The following RIPOR1 variants were observed in gnomAD, a reference collection of about 807,000 sequenced individuals.
The protein encoded by RIPOR1 is RHO family interacting cell polarization regulator 1, also known as rho family-interacting cell polarization regulator 1.
In RIPOR1, 58 loss-of-function variants were observed where a neutral mutation model predicts 116.5. The ratio of observed to expected loss-of-function variants is 0.50; its 90% CI spans 0.40 to 0.62. The LOEUF is 0.62. RIPOR1 is among the 20% of genes least tolerant of loss of function. RIPOR1 has a pLI of 0.00. For missense variants in RIPOR1, 1,372 were observed against 1,586.2 expected (o/e 0.86, Z 2.29); for synonymous variants, 605 against 650.0 (o/e 0.93, Z 1.05).
In RIPOR1 at chr16:67,541,446, G is replaced by T; in HGVS notation, c.818G>T (p.Gly273Val). 1 of 1,613,936 alleles carries T rather than the reference G, an allele frequency of 6.2e-7. No homozygotes were observed. Among genetic ancestry groups the T allele is most frequent in the Non-Finnish European group, 8.5e-7 (1 of 1,179,910 alleles). The change falls in exon 11 of 22, where the codon GGC becomes GTC. Residue 273 changes from glycine to valine, a missense_variant. Transcript: ENST00000042381. This position sits in a 1 kb window ranked among gnomAD's most constrained non-coding sequence, Gnocchi z 4.6. ...FLSIKVTELK[G>V]LANHVVVGSV... ...TGGCTACAGGTGACAGAACTGAAGG[G>T]CCTGGCCAACCATGTGGTTGTGGGC... is the stretch of plus-strand genomic sequence containing the variant.
Position 67,529,829 on chromosome 16 carries a change from A to G in RIPOR1, c.-24+915A>G. The G allele has an allele frequency of 6.5e-7, 1 of 1,535,954 alleles. No individual in the cohort carries two copies. The highest frequency in any genetic ancestry group is 8.7e-7 in the Non-Finnish European group (1 of 1,146,756). ...ACAGCATCTGAGGAGGGTTATGACCATCTGGCAGATGCAGAAACAGGCCCA... is the reference window on the plus strand; with the variant it reads ...ACAGCATCTGAGGAGGGTTATGACCGTCTGGCAGATGCAGAAACAGGCCCA... On this transcript the variant is annotated intron_variant, in intron 1 of 21. Transcript: ENST00000042381. This position sits in a 1 kb window ranked among gnomAD's most constrained non-coding sequence, Gnocchi z 4.1.
intron 1 of RIPOR1, among the ~76,000 whole-genome samples, chr16:67,533,661 G>C (rs1463041473): frequency 6.6e-6 from 1 of 152,098 alleles, no homozygotes; most frequent in African/African-American, 2.4e-5. Context: ...ACAGAAACTG[G>C]ACCAGGGTGG....
chr16:67,519,619 A>G (rs2050476575), intron 1 of RIPOR1, among the ~76,000 whole-genome samples: 1 of 152,136 alleles, frequency 6.6e-6, no homozygotes, highest in African/African-American at 2.4e-5. Flanking sequence ...GAAAGATTAC[A>G]TGGGGACCCA....
chr16:67,545,949 GC>G lies in RIPOR1; in HGVS notation c.3391del (p.Leu1131SerfsTer23). On this transcript the variant is annotated frameshift_variant and splice_region_variant, in exon 20 of 22. Coordinates refer to ENST00000042381, the MANE Select transcript of RIPOR1 (RefSeq NM_024519.4). LOFTEE classifies it high-confidence loss of function. This position sits in a 1 kb window ranked among gnomAD's most constrained non-coding sequence, Gnocchi z 4.8. ...AGTCTGTCCTCCCACCCTTCCACAG[GC>G]CCTCCTGTGCTTCCTGGACCAGCTG... ...LSLGPTFRER[A>X]LLCFLDQLED... is the part of the protein sequence containing the mutation. 6.2e-7 allele frequency: 1 copy of G among 1,613,992 alleles called. No individual in the cohort carries two copies. Among genetic ancestry groups the G allele is most frequent in the Non-Finnish European group, 8.5e-7 (1 of 1,179,996 alleles).
chr16:67,543,125 C>T lies in RIPOR1; in HGVS notation c.2339C>T (p.Thr780Met), dbSNP rs370307377. The T allele has an allele frequency of 3.2e-5, 49 of 1,524,076 alleles. No homozygotes were observed. The Admixed American group carries it at 3.3e-4, about 10-fold the overall frequency. The allele number at this position is 1,524,076 out of a possible 1,614,324, so 94.4% of individuals were successfully genotyped here. A position where few individuals can be genotyped will look rare whatever the true frequency, so the allele number is the denominator to read the frequency against. ...LAMAVQTPVPTAAGGSGDRSL... is the reference protein window; with the variant it reads ...LAMAVQTPVPMAAGGSGDRSL... Reference sequence around the variant, plus strand: ...ATGGCTGTCCAGACCCCAGTCCCAACGGCAGCCGGAGGGTCTGGGGACAGG... The same window carrying T: ...ATGGCTGTCCAGACCCCAGTCCCAATGGCAGCCGGAGGGTCTGGGGACAGG... The change falls in exon 13 of 22, where the codon ACG becomes ATG. Residue 780 changes from threonine (T) to methionine (M), a missense_variant. Around this residue, in one of 3 missense-constraint regions of RIPOR1, gnomAD observed 1,005 missense variants for 1,144.7 expected, o/e 0.88. Coordinates refer to ENST00000042381, the MANE Select transcript of RIPOR1 (RefSeq NM_024519.4). This position sits in a 1 kb window ranked among gnomAD's most constrained non-coding sequence, Gnocchi z 4.7.
rs755344344 is a variant in RIPOR1 at position 67,540,429 on chromosome 16, C to T, written c.632-29C>T. 1.9e-6 allele frequency: 3 copies of T among 1,614,174 alleles called. 1 individual carries two copies. Among genetic ancestry groups the T allele is most frequent in the South Asian group, 1.1e-5 (1 of 91,088 alleles). ...TGCTGAAGAACCCCAATATGGCTCACCGACTTCTCCCCTTCTCCTCCAACT... is the reference window on the plus strand; with the variant it reads ...TGCTGAAGAACCCCAATATGGCTCATCGACTTCTCCCCTTCTCCTCCAACT... On this transcript the variant is annotated intron_variant, in intron 8 of 21. Coordinates refer to ENST00000042381, the MANE Select transcript of RIPOR1 (RefSeq NM_024519.4). The surrounding 1 kb of genome is among the most constrained non-coding windows in gnomAD (Gnocchi z 4.7).
Position 67,539,044 on chromosome 16 carries a change from G to A in RIPOR1, c.312G>A (p.Arg104=), listed in dbSNP as rs367981886. 1.7e-5 allele frequency: 28 copies of A among 1,613,308 alleles called. No homozygotes were observed. The highest frequency in any genetic ancestry group is 2.2e-5 in the Non-Finnish European group (26 of 1,179,844). Reference sequence around the variant, plus strand: ...AAGAGAAACTCCAGGGGCAGATAAGGGAGTCCAAGAGGAATTCCCGCTTGG... The same window carrying A: ...AAGAGAAACTCCAGGGGCAGATAAGAGAGTCCAAGAGGAATTCCCGCTTGG... ...QEQEKLQGQI[R]ESKRNSRLGF... is the part of the protein sequence containing the mutation. Residue 104 remains arginine, a synonymous_variant, in exon 4 of 22, where the codon AGG becomes AGA. Coordinates refer to ENST00000042381, the MANE Select transcript of RIPOR1 (RefSeq NM_024519.4).
At position 67,545,021 on chromosome 16, in the gene RIPOR1, A is replaced by G. The variant is rs1176352542; in HGVS notation, c.2935A>G (p.Ser979Gly). Residue 979 changes from serine (S) to glycine (G), a missense_variant, in exon 17 of 22, where the codon AGC becomes GGC. By Grantham distance (56) the Ser-to-Gly change is moderately conservative. This residue lies in a region of RIPOR1 where 1,005 missense variants were observed against 1,144.7 expected (regional missense o/e 0.88). Transcript: ENST00000042381. The surrounding 1 kb of genome is among the most constrained non-coding windows in gnomAD (Gnocchi z 4.8). ...CTGGGACCAGTGCACAGAGAGACTCAGCTGCTTCCTCTGCCCGGTGGAGCG... is the reference window on the plus strand; with the variant it reads ...CTGGGACCAGTGCACAGAGAGACTCGGCTGCTTCCTCTGCCCGGTGGAGCG... ...TFWDQCTERL[S>G]CFLCPVERVL... The G allele has an allele frequency of 6.2e-7, 1 of 1,613,648 alleles. No homozygotes were observed.
chr16:67,523,773 T>A (rs572647893), intron 1 of RIPOR1, among the ~76,000 whole-genome samples: 1 of 151,746 alleles, frequency 6.6e-6, no homozygotes, highest in East Asian at 2.0e-4. Context: ...CTCAACCTAC[T>A]GGGCTCAAGC....
In RIPOR1 at chr16:67,545,065, C is replaced by T. The variant is rs1394495641; in HGVS notation, c.2979C>T (p.Cys993=). The change falls in exon 17 of 22, where the codon TGC becomes TGT. Residue 993 remains cysteine, a synonymous_variant. Coordinates refer to ENST00000042381, the MANE Select transcript of RIPOR1 (RefSeq NM_024519.4). This position sits in a 1 kb window ranked among gnomAD's most constrained non-coding sequence, Gnocchi z 4.8. ...CPVERVLLTF[C]NQYGARLSLR... is the part of the protein sequence containing the mutation. ...TGGAGCGGGTGCTTCTCACCTTCTG[C>T]AACCAGTATGGTGCCCGCCTCTCCC... The T allele has an allele frequency of 6.2e-7, 1 of 1,613,092 alleles. No individual in the cohort carries two copies. The highest frequency in any genetic ancestry group is 8.5e-7 in the Non-Finnish European group (1 of 1,180,016).
At position 67,529,685 on chromosome 16, in the gene RIPOR1, T is replaced by C; in HGVS notation, c.-24+771T>C. The C allele has an allele frequency of 1.4e-6, 2 of 1,406,518 alleles. No homozygotes were observed. The highest frequency in any genetic ancestry group is 1.9e-6 in the Non-Finnish European group (2 of 1,043,416). 87.1% of individuals were successfully genotyped at this position (1,406,518 alleles called of 1,614,324 possible). ...CCTACAGACCCTCCCCAGCCAGTTC[T>C]AACGTGTGTCCAGGCTGGCCGCCCC... On this transcript the variant is annotated intron_variant, in intron 1 of 21. Transcript: ENST00000042381. The surrounding 1 kb of genome is among the most constrained non-coding windows in gnomAD (Gnocchi z 4.1).
In RIPOR1 at chr16:67,541,233, ATTTT is replaced by A. The variant is rs565790382; in HGVS notation, c.802-180_802-177del. ...GGTGCACCACCATGCCTGGCTAAAA[ATTTT>A]TTTTTTTTTTTTTTTTGAGACAGAG... On this transcript the variant is annotated intron_variant, in intron 10 of 21. Coordinates refer to ENST00000042381, the MANE Select transcript of RIPOR1 (RefSeq NM_024519.4). The surrounding 1 kb of genome is among the most constrained non-coding windows in gnomAD (Gnocchi z 4.6). 1.6e-3 allele frequency: 662 copies of A among 403,120 alleles called. No homozygotes were observed. Among genetic ancestry groups the A allele is most frequent in the Middle Eastern group, 3.1e-3 (4 of 1,304 alleles). 25.0% of individuals were successfully genotyped at this position (403,120 alleles called of 1,614,324 possible).
Position 67,537,916 on chromosome 16 carries a change from C to T in RIPOR1, c.-23-508C>T, listed in dbSNP as rs2050842976. On this transcript the variant is annotated intron_variant, in intron 1 of 21. Transcript: ENST00000042381. This position sits in a 1 kb window ranked among gnomAD's most constrained non-coding sequence, Gnocchi z 4.6. ...TGGCAGGCGGGGGGCGGGCGACAAA[C>T]CCGCACCGGCTGGGCCTGTCGGGCA... Among the ~76,000 whole-genome samples, 1 of 151,984 alleles carries T rather than the reference C, an allele frequency of 6.6e-6. No individual in the cohort carries two copies. Among genetic ancestry groups the T allele is most frequent in the Non-Finnish European group, 1.5e-5 (1 of 67,948 alleles).
rs2050576819 is a variant in RIPOR1 at position 67,528,852 on chromosome 16, G to T, written c.-86G>T. On this transcript the variant is annotated 5_prime_UTR_variant, in exon 1 of 22. Transcript: ENST00000042381. ...GCGGCGACAGCGGCAGCTGCGGCGC[G>T]ACCAGGCCGGGCACCTCCGAGCGCA... 2 of 162,194 alleles carry T rather than the reference G, an allele frequency of 1.2e-5. No homozygotes were observed. Among genetic ancestry groups the T allele is most frequent in the South Asian group, 1.4e-4 (1 of 7,188 alleles). 10.0% of individuals were successfully genotyped at this position (162,194 alleles called of 1,614,324 possible). A position where few individuals can be genotyped will look rare whatever the true frequency, so the allele number is the denominator to read the frequency against.
intron 1 of RIPOR1, among the ~76,000 whole-genome samples, chr16:67,521,346 A>G (rs1004311122): frequency 6.6e-6 from 1 of 152,124 alleles, no homozygotes; most frequent in African/African-American, 2.4e-5. Context: ...GGACGGGGGA[A>G]TTTCCAGATG....
intron 1 of RIPOR1, among the ~76,000 whole-genome samples, chr16:67,521,456 A>G (rs2050494257): frequency 6.6e-6 from 1 of 152,096 alleles, no homozygotes; most frequent in South Asian, 2.1e-4. Context: ...TGCACCACAC[A>G]CTGCAGCCTT....
At chr16:67,523,965 C>G (rs917728081), upstream of RIPOR1, among the ~76,000 whole-genome samples, 4 of 152,170 alleles carry the variant, frequency 2.6e-5, no homozygotes, top group Non-Finnish European at 5.9e-5. Context: ...GTGTGAGCCA[C>G]TACCACACCC....
chr16:67,534,835 C>CTTTTTTT (rs553858194), intron 1 of RIPOR1, among the ~76,000 whole-genome samples: 633 of 79,040 alleles, frequency 8.0e-3, no homozygotes, highest in Non-Finnish European at 0.01. Flanking sequence ...TTCTTTTTTT[C>CTTTTTTT]TTTTTTTTTT....
chr16:67,540,850 G>A lies in RIPOR1; in HGVS notation c.801+146G>A. On this transcript the variant is annotated intron_variant, in intron 10 of 21. Transcript: ENST00000042381. The surrounding 1 kb of genome is among the most constrained non-coding windows in gnomAD (Gnocchi z 4.7). ...ATTCCATGACCTTCATGATCTCTGT[G>A]GCCCTGAGAGGAACAATCTTTGTGA... The A allele has an allele frequency of 1.1e-6, 1 of 901,018 alleles. No homozygotes were observed. Among genetic ancestry groups the A allele is most frequent in the Non-Finnish European group, 1.7e-6 (1 of 583,620 alleles). 55.8% of individuals were successfully genotyped at this position (901,018 alleles called of 1,614,324 possible).
Sources: allele counts gnomAD v4.1 joint callset (sites outside exome capture counted in the v4.1 genomes callset), GRCh38; gene constraint gnomAD v4.1.1; regional missense constraint gnomAD v4.1.1; non-coding constraint Gnocchi (gnomAD v3.1); transcripts MANE v1.5; gene names NCBI Gene and HGNC (gene_info 2026-07-23, HGNC 2026-07-21).